The following ATP8B3 variants were observed in gnomAD, a reference collection of about 807,000 sequenced individuals.
ATP8B3 encodes the protein phospholipid-transporting ATPase IK.
A neutral mutation model predicts 140.9 loss-of-function variants in ATP8B3; 141 were observed. The ratio of observed to expected loss-of-function variants is 1.00; its 90% CI spans 0.87 to 1.15. The LOEUF is 1.15. ATP8B3 is among the 50% of genes most tolerant of loss of function. The pLI is 0.00. For synonymous variants in ATP8B3, 765 were observed against 714.6 expected (o/e 1.07, Z -1.13); for missense variants, 1,874 against 1,740.6 (o/e 1.08, Z -1.36).
intron 12 of ATP8B3, among the ~76,000 whole-genome samples, chr19:1,801,084 T>C (rs2068834657): frequency 6.6e-6 from 1 of 151,870 alleles, no homozygotes; most frequent in Non-Finnish European, 1.5e-5. Flanking sequence ...TGCCTCAGCC[T>C]CCCAAGGTGC....
At chr19:1,796,395 A>G in intron 16 of ATP8B3, 130 bp from the exon 17 acceptor site, 1 of 916,466 alleles carries the variant, frequency 1.1e-6, no homozygotes, top group Non-Finnish European at 1.6e-6. Context: ...CGCCTGTACA[A>G]CCCAATGCAT....
rs10526864 is a variant in ATP8B3, at chr19:1,795,784, TACACACACACACACACAC to T, written c.2055+73_2055+90del. ...CCCTGCCTCCTCCTCCTCCTGTCCCTACACACACACACACACACACACACACACACACACACACACACA... is the reference window on the plus strand; with the variant it reads ...CCCTGCCTCCTCCTCCTCCTGTCCCTACACACACACACACACACACACACA... On this transcript the variant is annotated intron_variant, in intron 18 of 28. Transcript: ENST00000310127. 9.2e-3 allele frequency: 8,227 copies of T among 893,534 alleles called. 29 individuals are homozygous for T. Among genetic ancestry groups the T allele is most frequent in the East Asian group, 0.03 (1,009 of 33,374 alleles). 55.4% of individuals were successfully genotyped at this position (893,534 alleles called of 1,614,324 possible). A position where few individuals can be genotyped will look rare whatever the true frequency, so the allele number is the denominator to read the frequency against.
Position 1,794,002 on chromosome 19 carries a change from C to G in ATP8B3, c.2056-1867G>C, listed in dbSNP as rs1287667234. On this transcript the variant is annotated intron_variant, in intron 18 of 28. Coordinates refer to ENST00000310127, the MANE Select transcript of ATP8B3 (RefSeq NM_138813.4). This position sits in a 1 kb window ranked among gnomAD's most constrained non-coding sequence, Gnocchi z 4.8. ...AATGATCTGCCCGCCTCCCAAAGCA[C>G]TGGGATTACAGGCGTGAGCCATCGC... Among the ~76,000 whole-genome samples, 1 of 151,758 alleles carries G rather than the reference C, an allele frequency of 6.6e-6. No individual in the cohort carries two copies. The highest frequency in any genetic ancestry group is 1.5e-5 in the Non-Finnish European group (1 of 67,984).
intron 18 of ATP8B3, among the ~76,000 whole-genome samples, chr19:1,795,371 C>T (rs558040479): frequency 6.6e-6 from 1 of 152,134 alleles, no homozygotes; most frequent in African/African-American, 2.4e-5. Context: ...GCCCACATGG[C>T]GAAAACCCAT....
chr19:1,809,654 T>G lies in ATP8B3; in HGVS notation c.391A>C (p.Lys131Gln). The G allele has an allele frequency of 6.2e-7, 1 of 1,609,122 alleles. No individual in the cohort carries two copies. Among genetic ancestry groups the G allele is most frequent in the Non-Finnish European group, 8.5e-7 (1 of 1,178,122 alleles). ...KEKVILCWQRKKYKTNVIRTA... is the reference protein window; with the variant it reads ...KEKVILCWQRQKYKTNVIRTA... Reference sequence around the variant, plus strand: ...GAGGGGCCGCCCACCTTGTATTTCTTCCTTTGCCAGCACAGGATCACCTTC... The same window carrying G: ...GAGGGGCCGCCCACCTTGTATTTCTGCCTTTGCCAGCACAGGATCACCTTC... Residue 131 changes from lysine (K) to glutamine (Q), a missense_variant, in exon 4 of 29, where the codon AAG becomes CAG. By Grantham distance (53) the Lys-to-Gln change is moderately conservative. Coordinates refer to ENST00000310127, the MANE Select transcript of ATP8B3 (RefSeq NM_138813.4).
chr19:1,801,155 A>T (rs1472691643), intron 12 of ATP8B3, among the ~76,000 whole-genome samples: 1 of 148,328 alleles, frequency 6.7e-6, no homozygotes, highest in African/African-American at 2.5e-5. Flanking sequence ...TTTTATTTTT[A>T]TTTATTTATT....
At chr19:1,801,018 C>T (rs1297333535) in intron 12 of ATP8B3, among the ~76,000 whole-genome samples, 1 of 150,400 alleles carries the variant, frequency 6.6e-6, no homozygotes. Flanking sequence ...TTAGTAGAGA[C>T]GGGGTTTCAC....
At position 1,783,142 on chromosome 19, in the gene ATP8B3, G is replaced by T. The variant is rs187242254; in HGVS notation, c.3789C>A (p.Leu1263=). 1 of 1,613,764 alleles carries T rather than the reference G, an allele frequency of 6.2e-7. No individual in the cohort carries two copies. The highest frequency in any genetic ancestry group is 2.2e-5 in the East Asian group (1 of 44,888). The change falls in exon 29 of 29, where the codon CTC becomes CTA. Residue 1263 remains leucine (L), a synonymous_variant. Transcript: ENST00000310127. Reference sequence around the variant, plus strand: ...TCCGCAGAATTGTGCCCTGAGTGATGAGGTTTGCATATCCCTCACGGTGGG... The same window carrying T: ...TCCGCAGAATTGTGCCCTGAGTGATTAGGTTTGCATATCCCTCACGGTGGG... ...AFSHREGYAN[L]ITQGTILRRG...
In ATP8B3 at chr19:1,807,135, C is replaced by G. The variant is rs369920660; in HGVS notation, c.615+33G>C. 1.2e-4 allele frequency: 183 copies of G among 1,589,348 alleles called. No individual in the cohort carries two copies. The African/African-American group carries it at 2.1e-3, about 18-fold the overall frequency. On this transcript the variant is annotated intron_variant, in intron 6 of 28. Transcript: ENST00000310127. This position sits in a 1 kb window ranked among gnomAD's most constrained non-coding sequence, Gnocchi z 5.9. ...AGACCCCCCCGACCGGCCCCGCTCCCTCCCCCAGGCAGCTGCATCCAACAG... is the reference window on the plus strand; with the variant it reads ...AGACCCCCCCGACCGGCCCCGCTCCGTCCCCCAGGCAGCTGCATCCAACAG...
intron 11 of ATP8B3, 81 bp downstream of exon 11, chr19:1,802,406 T>TC: frequency 7.1e-6 from 3 of 421,056 alleles, no homozygotes; most frequent in East Asian, 4.8e-5. Context: ...TCCACCCACC[T>TC]ACCCACCCAC....
At chr19:1,810,555 C>G (rs536603349) in intron 3 of ATP8B3, 67 bp downstream of exon 3, 3 of 1,501,342 alleles carry the variant, frequency 2.0e-6, no homozygotes, top group Admixed American at 3.9e-5. Context: ...AGAGCCACCA[C>G]GCCTGGCCAG....
intron 18 of ATP8B3, among the ~76,000 whole-genome samples, chr19:1,793,862 C>A (rs1050028474): frequency 5.3e-5 from 8 of 149,914 alleles, no homozygotes; most frequent in African/African-American, 2.0e-4. Context: ...CCTGCCTCAG[C>A]CTCCCGAGTA....
At chr19:1,796,641 G>C in intron 16 of ATP8B3, 70 bp downstream of exon 16, 1 of 1,528,486 alleles carries the variant, frequency 6.5e-7, no homozygotes, top group Non-Finnish European at 8.8e-7. Flanking sequence ...CGGGTGAGCT[G>C]CGGGGCTGGG....
chr19:1,790,791 C>G lies in ATP8B3; in HGVS notation c.2344G>C (p.Glu782Gln). 6.2e-7 allele frequency: 1 copy of G among 1,607,068 alleles called. No individual in the cohort carries two copies. The highest frequency in any genetic ancestry group is 1.1e-5 in the South Asian group (1 of 89,664). ...NIGFACELLS[E>Q]NMLILEEKEI... ...TTCTCCTCCAGAATGAGCATATTCT[C>G]TGACAGCAGCTCGCAGGCGAAGCCG... The change falls in exon 21 of 29, where the codon GAG (glutamate) becomes CAG (glutamine). Residue 782 changes from glutamate to glutamine, a missense_variant. Physicochemically the swap from Glu to Gln is conservative, Grantham distance 29. Around this residue, in one of 3 missense-constraint regions of ATP8B3, gnomAD observed 840 missense variants for 760.9 expected, o/e 1.10. Transcript: ENST00000310127.
chr19:1,806,373 C>T lies in ATP8B3; in HGVS notation c.678-204G>A, dbSNP rs1005642444. ...CCCAGTGACCTCCAGGGTCCTGCAC[C>T]CACGTCCTCTTCAGACTTTCCTTGT... On this transcript the variant is annotated intron_variant, in intron 7 of 28. Transcript: ENST00000310127. The surrounding 1 kb of genome is among the most constrained non-coding windows in gnomAD (Gnocchi z 5.6). The T allele has an allele frequency of 4.1e-6, 6 of 1,446,734 alleles. No homozygotes were observed. In the African/African-American group the frequency reaches 5.7e-5, roughly 14 times the overall value. 89.6% of individuals were successfully genotyped at this position (1,446,734 alleles called of 1,614,324 possible). A position where few individuals can be genotyped will look rare whatever the true frequency, so the allele number is the denominator to read the frequency against.
intron 18 of ATP8B3, among the ~76,000 whole-genome samples, chr19:1,793,437 A>G (rs1291549669): frequency 3.3e-5 from 5 of 152,080 alleles, no homozygotes; most frequent in Admixed American, 1.3e-4. Flanking sequence ...AAGACCTTCT[A>G]TGCAGTCCAC....
chr19:1,810,500 G>T, intron 3 of ATP8B3, 122 bp downstream of exon 3: 2 of 955,532 alleles, frequency 2.1e-6, no homozygotes, highest in Non-Finnish European at 3.0e-6. Flanking sequence ...CTGACCTCAA[G>T]TGATCCACCC....
In ATP8B3 at chr19:1,789,084, C is replaced by A. The variant is rs778749192; in HGVS notation, c.2882G>T (p.Gly961Val). 5.7e-6 allele frequency: 9 copies of A among 1,580,874 alleles called. No homozygotes were observed. Among genetic ancestry groups the A allele is most frequent in the Non-Finnish European group, 6.8e-6 (8 of 1,169,590 alleles). ...GTCGCTGTTCTGAACTGCCTGCATG[C>A]CCTCCTGGCCCGCCAGCCCCACGCC... ...DVGVGLAGQE[G>V]MQAVQNSDFV... is the part of the protein sequence containing the mutation. The change falls in exon 24 of 29, where the codon GGC becomes GTC. Residue 961 changes from glycine (G) to valine (V), a missense_variant. Physicochemically the swap from Gly to Val is moderately radical, Grantham distance 109. Coordinates refer to ENST00000310127, the MANE Select transcript of ATP8B3 (RefSeq NM_138813.4).
At position 1,806,174 on chromosome 19, in the gene ATP8B3, G is replaced by T; in HGVS notation, c.678-5C>A. 1.3e-6 allele frequency: 2 copies of T among 1,584,612 alleles called. No individual in the cohort carries two copies. The highest frequency in any genetic ancestry group is 8.6e-7 in the Non-Finnish European group (1 of 1,166,090). On this transcript the variant is annotated splice_region_variant and splice_polypyrimidine_tract_variant and intron_variant, in intron 7 of 28. Transcript: ENST00000310127. The surrounding 1 kb of genome is among the most constrained non-coding windows in gnomAD (Gnocchi z 5.6). ...TGCCATTTCTTCTGCTTGAAGCTGC[G>T]GGGAGAGGGGGTTGTGAAGGAGGCC...
Sources: allele counts gnomAD v4.1 joint callset (sites outside exome capture counted in the v4.1 genomes callset), GRCh38; gene constraint gnomAD v4.1.1; regional missense constraint gnomAD v4.1.1; non-coding constraint Gnocchi (gnomAD v3.1); transcripts MANE v1.5; gene names NCBI Gene and HGNC (gene_info 2026-07-23, HGNC 2026-07-21).